The following CNBD1 variants were observed in gnomAD, a reference collection of about 807,000 sequenced individuals.
CNBD1 encodes the protein cyclic nucleotide-binding domain-containing protein 1.
In CNBD1, 71 loss-of-function variants were observed where a neutral mutation model predicts 54.4. The observed-to-expected ratio is 1.30, with a 90% CI of 1.08 to 1.59. The LOEUF (loss-of-function observed/expected upper bound fraction) is 1.59. Among genes scored for constraint, CNBD1 ranks in the 40% most tolerant of loss-of-function variants. The pLI is 0.00. For synonymous variants in CNBD1, 182 were observed against 170.7 expected (o/e 1.07, Z -0.51); for missense variants, 659 against 518.0 (o/e 1.27, Z -2.64).
intron 2 of CNBD1, among the ~76,000 whole-genome samples, chr8:86,892,869 C>T (rs982428292): frequency 2.0e-4 from 31 of 151,794 alleles, no homozygotes; most frequent in Admixed American, 1.1e-3. Flanking sequence ...GTTGGCTTTC[C>T]GGACATAATT....
intron 4 of CNBD1, among the ~76,000 whole-genome samples, chr8:87,107,623 A>G (rs1011447513): frequency 1.3e-5 from 2 of 152,256 alleles, no homozygotes; most frequent in Admixed American, 1.3e-4. Flanking sequence ...TTGCTCTAGT[A>G]TATCCTTGTA....
intron 4 of CNBD1, among the ~76,000 whole-genome samples, chr8:87,036,787 A>G (rs939926644): frequency 2.0e-5 from 3 of 152,098 alleles, no homozygotes; most frequent in Non-Finnish European, 4.4e-5. Context: ...AAAGTCCAAT[A>G]TATCAGATAA....
chr8:87,302,248 T>C (rs1809016408), intron 8 of CNBD1, among the ~76,000 whole-genome samples: 1 of 152,154 alleles, frequency 6.6e-6, no homozygotes, highest in Non-Finnish European at 1.5e-5. Flanking sequence ...AATAAAATAC[T>C]GGCAAACTGA....
intron 8 of CNBD1, among the ~76,000 whole-genome samples, chr8:87,307,728 A>C (rs1586000135): frequency 6.8e-6 from 1 of 146,518 alleles, no homozygotes. Context: ...AAAGAGTGAA[A>C]CTCCGTCTCA....
intron 6 of CNBD1, among the ~76,000 whole-genome samples, chr8:87,258,511 C>A (rs1808067088): frequency 1.3e-5 from 2 of 151,852 alleles, no homozygotes; most frequent in East Asian, 1.9e-4. Context: ...GCAACCACTG[C>A]AACTCCTAAT....
At chr8:87,109,124 A>G (rs979893472) in intron 4 of CNBD1, among the ~76,000 whole-genome samples, 39 of 152,192 alleles carry the variant, frequency 2.6e-4, no homozygotes, top group African/African-American at 9.2e-4. Context: ...GAAAATATCA[A>G]AGAGGTTAAG....
chr8:87,197,784 T>A (rs934750975), intron 4 of CNBD1, among the ~76,000 whole-genome samples: 2 of 152,224 alleles, frequency 1.3e-5, no homozygotes, highest in African/African-American at 4.8e-5. Flanking sequence ...AACTTTTGAG[T>A]GACTTTAATC....
At chr8:87,343,154 C>A (rs970041855) in intron 8 of CNBD1, among the ~76,000 whole-genome samples, 2 of 152,202 alleles carry the variant, frequency 1.3e-5, no homozygotes, top group African/African-American at 4.8e-5. Context: ...TTCTGCCCAA[C>A]CACGCAGGCA....
intron 5 of CNBD1, among the ~76,000 whole-genome samples, chr8:87,211,997 G>A (rs1330617943): frequency 6.6e-6 from 1 of 152,046 alleles, no homozygotes; most frequent in Non-Finnish European, 1.5e-5. Context: ...GAAAATCCCT[G>A]ACCCACATGG....
At chr8:87,052,055 A>G (rs1384209053) in intron 4 of CNBD1, among the ~76,000 whole-genome samples, 1 of 152,152 alleles carries the variant, frequency 6.6e-6, no homozygotes, top group African/African-American at 2.4e-5. Flanking sequence ...CCCTTTTGAA[A>G]TGTCCTGGCT....
intron 4 of CNBD1, among the ~76,000 whole-genome samples, chr8:87,130,154 G>A (rs1243053265): frequency 1.3e-5 from 2 of 152,050 alleles, no homozygotes; most frequent in Non-Finnish European, 2.9e-5. Flanking sequence ...AGATTTGGTG[G>A]GGACACAGCC....
chr8:87,234,368 T>C (rs1807529533), intron 5 of CNBD1, among the ~76,000 whole-genome samples: 2 of 152,338 alleles, frequency 1.3e-5, no homozygotes, highest in African/African-American at 2.4e-5. Context: ...ATGGTAGCTA[T>C]AGACTTATGA....
chr8:87,006,366 A>T (rs1809097706), intron 4 of CNBD1, among the ~76,000 whole-genome samples: 1 of 152,204 alleles, frequency 6.6e-6, no homozygotes, highest in South Asian at 2.1e-4. Flanking sequence ...AAAATAAATT[A>T]ACCAAGAAAA....
chr8:87,329,348 A>T (rs1010497556), intron 8 of CNBD1, among the ~76,000 whole-genome samples: 1 of 152,008 alleles, frequency 6.6e-6, no homozygotes, highest in Non-Finnish European at 1.5e-5. Flanking sequence ...TCAGTCTTTC[A>T]ACTTTGTTCT....
intron 2 of CNBD1, among the ~76,000 whole-genome samples, chr8:87,410,643 T>C (rs1807725928): frequency 6.6e-6 from 1 of 152,166 alleles, no homozygotes; most frequent in Non-Finnish European, 1.5e-5. Flanking sequence ...TTGAGAGGAT[T>C]GACTGACAGG....
At chr8:87,276,016 C>A (rs1004900716) in intron 6 of CNBD1, among the ~76,000 whole-genome samples, 1 of 151,590 alleles carries the variant, frequency 6.6e-6, no homozygotes, top group Admixed American at 6.6e-5. Flanking sequence ...TTACAAGGGA[C>A]CTGAAGGACA....
chr8:87,176,652 AT>A lies in CNBD1; in HGVS notation c.432-29324del, dbSNP rs1254470877. 9.8e-3 allele frequency among the ~76,000 whole-genome samples: 1,328 copies of A among 134,840 alleles called. 12 individuals are homozygous for A. The highest frequency in any genetic ancestry group is 0.028 in the Middle Eastern group (7 of 250). 88.5% of individuals were successfully genotyped at this position (134,840 alleles called of 152,430 possible). On this transcript the variant is annotated intron_variant, in intron 4 of 10. Coordinates refer to ENST00000518476, the MANE Select transcript of CNBD1 (RefSeq NM_173538.3). ...GGCGTGGCCCACCACGCCCGGCTAAATTTTTTTTTTTTTTTTTCATTAGAGA... is the reference window on the plus strand; with the variant it reads ...GGCGTGGCCCACCACGCCCGGCTAAATTTTTTTTTTTTTTTTCATTAGAGA...
At chr8:86,978,534 C>CTTTTTTTTTTTTTTTTTTTTTTTTTT in intron 4 of CNBD1, among the ~76,000 whole-genome samples, 1 of 66,708 alleles carries the variant, frequency 1.5e-5, no homozygotes, top group Non-Finnish European at 2.6e-5. Context: ...ATGCTTTTAT[C>CTTTTTTTTTTTTTTTTTTTTTTTTTT]TTTTTTTTTT....
chr8:86,940,796 G>A (rs1175840473), intron 4 of CNBD1, among the ~76,000 whole-genome samples: 1 of 152,168 alleles, frequency 6.6e-6, no homozygotes, highest in Non-Finnish European at 1.5e-5. Context: ...AGCAGGGAAT[G>A]AGTAATTAAA....
Sources: allele counts gnomAD v4.1 joint callset (sites outside exome capture counted in the v4.1 genomes callset), GRCh38; gene constraint gnomAD v4.1.1; transcripts MANE v1.5; gene names NCBI Gene and HGNC (gene_info 2026-07-23, HGNC 2026-07-21).